The following FAHD2A variants were observed in gnomAD, a reference collection of about 807,000 sequenced individuals.
FAHD2A encodes the protein fumarylacetoacetate hydrolase domain containing 2A.
In FAHD2A, 27 loss-of-function variants were observed where a neutral mutation model predicts 33.4. The ratio of observed to expected loss-of-function variants is 0.81; its 90% CI spans 0.60 to 1.11. FAHD2A has a LOEUF of 1.11. Ranked by LOEUF, FAHD2A falls within the 50% of genes most tolerant of loss-of-function variation. The probability of loss-of-function intolerance (pLI) is 0.00; values close to 1 mark genes in which losing one functional copy is unlikely to be tolerated. For missense variants in FAHD2A, 296 were observed against 395.0 expected, an observed-to-expected ratio of 0.75 and a Z score of 2.12; for synonymous variants, 130 against 153.3, an observed-to-expected ratio of 0.85 and a Z score of 1.12.
Position 95,402,833 on chromosome 2 carries a change from T to A in FAHD2A, c.-46T>A, listed in dbSNP as rs1045311. 1 of 152,352 alleles carries A rather than the reference T, an allele frequency of 6.6e-6. No homozygotes were observed. Among genetic ancestry groups the A allele is most frequent in the African/African-American group, 2.4e-5 (1 of 41,436 alleles). 9.4% of individuals were successfully genotyped at this position (152,352 alleles called of 1,614,324 possible). A position where few individuals can be genotyped will look rare whatever the true frequency, so the allele number is the denominator to read the frequency against. ...GCCCTTGACCTTCGGCCCCGCGAGC[T>A]CTAACCCTACAGCGCAGGAAGATCG... On this transcript the variant is annotated 5_prime_UTR_variant, in exon 1 of 8. Transcript: ENST00000233379.
In FAHD2A at chr2:95,412,944, A is replaced by G. The variant is rs767366674; in HGVS notation, c.932A>G (p.Asn311Ser). The G allele has an allele frequency of 4.2e-5, 67 of 1,614,030 alleles. No homozygotes were observed. Among genetic ancestry groups the G allele is most frequent in the Non-Finnish European group, 5.3e-5 (63 of 1,180,016 alleles). The change falls in exon 8 of 8, where the codon AAC becomes AGC. Residue 311 changes from asparagine (N) to serine (S), a missense_variant. Physicochemically the swap from Asn to Ser is conservative, Grantham distance 46 (BLOSUM62 1). Coordinates refer to ENST00000233379, the MANE Select transcript of FAHD2A (RefSeq NM_016044.3). ...ATTGAAGAACTAGGTGTCATCATCA[A>G]CAAGGTGGTGTGATGGCTCCTGCAC... ...CEIEELGVII[N>S]KVV is the part of the protein sequence containing the mutation.
intron 3 of FAHD2A, among the ~76,000 whole-genome samples, 167 bp from the exon 4 acceptor site, chr2:95,410,360 C>G (rs1682268754): frequency 6.6e-6 from 1 of 152,206 alleles, no homozygotes; most frequent in South Asian, 2.1e-4. Flanking sequence ...ACAAGTCACA[C>G]CTCCCTTGTC....
Position 95,414,143 on chromosome 2 carries a change from G to A in FAHD2A, c.*1186G>A. The stretch of plus-strand genomic sequence containing the variant: ...CTCCGACTGGACAGAAGACTACTCT[G>A]CAGCCCGCCTTCCTAGAGTTGGGTT... On this transcript the variant is annotated 3_prime_UTR_variant, in exon 8 of 8. Coordinates refer to ENST00000233379, the MANE Select transcript of FAHD2A (RefSeq NM_016044.3). 1 of 1,531,612 alleles carries A rather than the reference G, an allele frequency of 6.5e-7. No individual in the cohort carries two copies. The highest frequency in any genetic ancestry group is 8.9e-7 in the Non-Finnish European group (1 of 1,126,152). The allele number at this position is 1,531,612 out of a possible 1,614,324, so 94.9% of individuals were successfully genotyped here.
At position 95,410,871 on chromosome 2, in the gene FAHD2A, ATGCTATGGCCCACG is replaced by A; in HGVS notation, c.533_546del (p.Ala178GlyfsTer8). 1 of 1,613,974 alleles carries A rather than the reference ATGCTATGGCCCACG, an allele frequency of 6.2e-7. No homozygotes were observed. The highest frequency in any genetic ancestry group is 1.1e-5 in the South Asian group (1 of 91,076). On this transcript the variant is annotated frameshift_variant, in exon 5 of 8. Transcript: ENST00000233379. LOFTEE classifies it high-confidence loss of function. Reference sequence around the variant, plus strand: ...AATCCCCTGCCCCCATAGGCCACAGATGCTATGGCCCACGTGGCCGGCTTCACTGTGGCTCATGA... The same window carrying A: ...AATCCCCTGCCCCCATAGGCCACAGATGGCCGGCTTCACTGTGGCTCATGA...
At chr2:95,419,514 G>A (rs1322745386), downstream of FAHD2A, among the ~76,000 whole-genome samples, 1 of 152,010 alleles carries the variant, frequency 6.6e-6, no homozygotes, top group Non-Finnish European at 1.5e-5. Context: ...GAGGTGTCTT[G>A]GCCTAGATCC....
chr2:95,413,574 CAT>C lies in FAHD2A; in HGVS notation c.*618_*619del, dbSNP rs1028463336. On this transcript the variant is annotated 3_prime_UTR_variant, in exon 8 of 8. Transcript: ENST00000233379. ...TCGGCGTCTGCTGCAGAACCTGGGC[CAT>C]GGAAGATGGGCCGTGAGTGCACTCA... The C allele has an allele frequency of 1.3e-4, 208 of 1,565,600 alleles. No individual in the cohort carries two copies. The highest frequency in any genetic ancestry group is 1.8e-4 in the Non-Finnish European group (206 of 1,156,094).
At position 95,407,279 on chromosome 2, in the gene FAHD2A, G is replaced by T. The variant is rs1302370101; in HGVS notation, c.462+122G>T. The T allele has an allele frequency of 3.2e-5, 46 of 1,420,562 alleles. No individual in the cohort carries two copies. In the East Asian group the frequency reaches 1.0e-3, roughly 32 times the overall value. 88.0% of individuals were successfully genotyped at this position (1,420,562 alleles called of 1,614,324 possible). On this transcript the variant is annotated intron_variant, in intron 3 of 7. Coordinates refer to ENST00000233379, the MANE Select transcript of FAHD2A (RefSeq NM_016044.3). The stretch of plus-strand genomic sequence containing the variant: ...AGCGCATTCAGCAGAAACTCTACAG[G>T]ATTGTACACACAGTAGTAACACTGG...
intron 5 of FAHD2A, among the ~76,000 whole-genome samples, chr2:95,411,493 A>G (rs1682504523): frequency 1.3e-5 from 2 of 152,264 alleles, no homozygotes; most frequent in South Asian, 4.1e-4. Flanking sequence ...CAGAGGGCAG[A>G]GCGCAGCCTC....
intron 3 of FAHD2A, chr2:95,407,425 A>G (rs1681776101): frequency 1.9e-6 from 1 of 528,510 alleles, no homozygotes; most frequent in Non-Finnish European, 3.4e-6. Context: ...CCCACTGCCC[A>G]TGGCTCGGAA....
intron 2 of FAHD2A, 56 bp from the exon 3 acceptor site, chr2:95,406,885 C>T (rs1382076612): frequency 6.6e-7 from 1 of 1,525,164 alleles, no homozygotes; most frequent in African/African-American, 1.4e-5. Flanking sequence ...CCCAGCCTGC[C>T]CGGGATTGCC....
rs962630491 is a variant in FAHD2A at position 95,414,989 on chromosome 2, A to G, written c.*2032A>G. 6.6e-6 allele frequency: 1 copy of G among 152,052 alleles called. No homozygotes were observed. The highest frequency in any genetic ancestry group is 2.4e-5 in the African/African-American group (1 of 41,374). The allele number at this position is 152,052 out of a possible 1,614,324, so 9.4% of individuals were successfully genotyped here. ...ACGGAGCCCTCCACCCCTCTCACAC[A>G]CTCATCCTCACACCCAGCTATACCA... On this transcript the variant is annotated 3_prime_UTR_variant, in exon 8 of 8. Transcript: ENST00000233379.
chr2:95,405,375 A>C (rs1304208641), intron 1 of FAHD2A, 178 bp from the exon 2 acceptor site: 1 of 872,288 alleles, frequency 1.1e-6, no homozygotes, highest in Non-Finnish European at 1.7e-6. Context: ...GCTCCTCTAG[A>C]AAAGTTTCAC....
At position 95,413,181 on chromosome 2, in the gene FAHD2A, G is replaced by A; in HGVS notation, c.*224G>A. On this transcript the variant is annotated 3_prime_UTR_variant, in exon 8 of 8. Transcript: ENST00000233379. Reference sequence around the variant, plus strand: ...TTTTGGGCTTTGTTTCATGGGACAAGTTGGGGCATTTTGTGGGACTGGGGA... The same window carrying A: ...TTTTGGGCTTTGTTTCATGGGACAAATTGGGGCATTTTGTGGGACTGGGGA... 2 of 1,047,246 alleles carry A rather than the reference G, an allele frequency of 1.9e-6. No homozygotes were observed. Among genetic ancestry groups the A allele is most frequent in the Non-Finnish European group, 2.7e-6 (2 of 732,920 alleles). The allele number at this position is 1,047,246 out of a possible 1,614,324, so 64.9% of individuals were successfully genotyped here.
chr2:95,418,468 G>T (rs1164407086), downstream of FAHD2A, among the ~76,000 whole-genome samples: 4 of 151,900 alleles, frequency 2.6e-5, no homozygotes, highest in African/African-American at 7.3e-5. Context: ...TGTGACCAAG[G>T]CCCCAACATT....
chr2:95,411,102 AG>A (rs1193013622), intron 5 of FAHD2A, 76 bp downstream of exon 5: 1 of 1,576,348 alleles, frequency 6.3e-7, no homozygotes, highest in African/African-American at 1.3e-5. Context: ...GCATGGGTTC[AG>A]GTACATGTGG....
At position 95,416,128 on chromosome 2, in the gene FAHD2A, CAT is replaced by C. The variant is rs915925221; in HGVS notation, c.*3172_*3173del. 3.3e-5 allele frequency: 5 copies of C among 152,178 alleles called. No individual in the cohort carries two copies. The highest frequency in any genetic ancestry group is 1.2e-4 in the African/African-American group (5 of 41,432). 9.4% of individuals were successfully genotyped at this position (152,178 alleles called of 1,614,324 possible). A position where few individuals can be genotyped will look rare whatever the true frequency, so the allele number is the denominator to read the frequency against. On this transcript the variant is annotated 3_prime_UTR_variant, in exon 8 of 8. Coordinates refer to ENST00000233379, the MANE Select transcript of FAHD2A (RefSeq NM_016044.3). ...AATGACCAGGCAGCCACAGGGAGGA[CAT>C]GTGGCCTCAGGAAGCCTGGGTGTGT...
chr2:95,414,293 G>C lies in FAHD2A; in HGVS notation c.*1336G>C. ...GCGGTGGCCTGCAGGAACTGGAACA[G>C]CTGTTGGAGAGGAGAAGAAAAAGAA... On this transcript the variant is annotated 3_prime_UTR_variant, in exon 8 of 8. Transcript: ENST00000233379. 1 of 1,268,786 alleles carries C rather than the reference G, an allele frequency of 7.9e-7. No individual in the cohort carries two copies. The highest frequency in any genetic ancestry group is 2.3e-5 in the East Asian group (1 of 43,158). The allele number at this position is 1,268,786 out of a possible 1,614,324, so 78.6% of individuals were successfully genotyped here.
intron 3 of FAHD2A, 181 bp downstream of exon 3, chr2:95,407,338 C>T: frequency 1.1e-6 from 1 of 878,820 alleles, no homozygotes; most frequent in African/African-American, 1.7e-5. Flanking sequence ...ACGTGTTTTC[C>T]TGGTTACAAA....
chr2:95,407,989 C>T (rs1451271406), intron 3 of FAHD2A, among the ~76,000 whole-genome samples: 1 of 149,290 alleles, frequency 6.7e-6, no homozygotes, highest in African/African-American at 2.5e-5. Context: ...GCCATATATC[C>T]TTTTTCTCCC....
Sources: allele counts gnomAD v4.1 joint callset (sites outside exome capture counted in the v4.1 genomes callset), GRCh38; gene constraint gnomAD v4.1.1; transcripts MANE v1.5; gene names NCBI Gene and HGNC (gene_info 2026-07-23, HGNC 2026-07-21).